MGST1: variants seen among roughly 807,000 people sequenced by gnomAD.
MGST1 encodes the protein glutathione S-transferase 12.
A neutral mutation model predicts 8.9 loss-of-function variants in MGST1; 5 were observed. The observed-to-expected ratio is 0.56, with a 90% CI of 0.29 to 1.19. The LOEUF is 1.19. MGST1 is among the 50% of genes most tolerant of loss of function. The pLI is 0.08. For synonymous variants in MGST1, 54 were observed against 67.8 expected (o/e 0.80, Z 1.00); for missense variants, 182 against 187.4 (o/e 0.97, Z 0.17).
At chr12:16,352,761 A>G (rs998928281) in intron 1 of MGST1, among the ~76,000 whole-genome samples, 2 of 152,140 alleles carry the variant, frequency 1.3e-5, no homozygotes, top group African/African-American at 4.8e-5. Context: ...TGACTCAAGG[A>G]TCATGTAAAG....
chr12:16,387,939 C>T (rs1940519568), intron 1 of MGST1, among the ~76,000 whole-genome samples: 1 of 151,586 alleles, frequency 6.6e-6, no homozygotes, highest in Admixed American at 6.6e-5. Flanking sequence ...AGATTTGTAG[C>T]CTAAGAGCAA....
chr12:16,529,721 A>C (rs560706957), intron 4 of MGST1, among the ~76,000 whole-genome samples: 1 of 152,182 alleles, frequency 6.6e-6, no homozygotes, highest in South Asian at 2.1e-4. Context: ...CTCTAGGCAA[A>C]GTGTTTGGGC....
upstream of MGST1, chr12:16,382,759 A>C (rs1940468625): frequency 6.5e-6 from 1 of 152,922 alleles, no homozygotes; most frequent in South Asian, 2.1e-4. Flanking sequence ...AGAGGCAGGC[A>C]GGCCTCCTTG....
At position 16,532,110 on chromosome 12, in the gene MGST1, T is replaced by C. The variant is rs79569446; in HGVS notation, n.483-57418T>C. Reference sequence around the variant, plus strand: ...CAAGGGCTATATCTTCAGGTGTTGATGCTCAGGACAGACTGCAAAATCACA... The same window carrying C: ...CAAGGGCTATATCTTCAGGTGTTGACGCTCAGGACAGACTGCAAAATCACA... On this transcript the variant is annotated intron_variant and non_coding_transcript_variant, in intron 4 of 4. Transcript: ENST00000538857. Among the ~76,000 whole-genome samples the C allele has an allele frequency of 7.5e-3, 1,147 of 152,262 alleles. 19 individuals carry two copies. Among genetic ancestry groups the C allele is most frequent in the African/African-American group, 0.026 (1,096 of 41,548 alleles).
chr12:16,354,440 T>G (rs982140865), intron 2 of MGST1, 62 bp downstream of exon 2: 34 of 1,526,846 alleles, frequency 2.2e-5, no homozygotes, highest in Non-Finnish European at 3.0e-5. Flanking sequence ...AGAGCAGTTT[T>G]CTTAATTTTC....
At chr12:16,518,172 G>A (rs1360084987) in intron 4 of MGST1, among the ~76,000 whole-genome samples, 1 of 152,140 alleles carries the variant, frequency 6.6e-6, no homozygotes, top group Non-Finnish European at 1.5e-5. Flanking sequence ...CTTATCCACT[G>A]CTACCTCATC....
downstream of MGST1, among the ~76,000 whole-genome samples, chr12:16,440,547 G>A (rs896163865): frequency 2.0e-5 from 3 of 151,720 alleles, no homozygotes; most frequent in African/African-American, 7.3e-5. Context: ...ATGTTTTTGA[G>A]ATTTATATAT....
downstream of MGST1, among the ~76,000 whole-genome samples, chr12:16,592,359 A>G (rs1023696697): frequency 6.6e-6 from 1 of 152,038 alleles, no homozygotes; most frequent in Non-Finnish European, 1.5e-5. Context: ...TGGTCACAGA[A>G]AATACTGGCT....
chr12:16,373,568 T>A (rs906321785), intron 3 of MGST1, among the ~76,000 whole-genome samples: 45 of 151,922 alleles, frequency 3.0e-4, no homozygotes, highest in African/African-American at 1.7e-4. Context: ...TAAAAATTTT[T>A]AAGAAGAAAA....
chr12:16,466,108 AAATT>A (rs1258510938), intron 4 of MGST1, among the ~76,000 whole-genome samples: 3 of 152,246 alleles, frequency 2.0e-5, no homozygotes, highest in Non-Finnish European at 2.9e-5. Flanking sequence ...TCATTCAAGA[AAATT>A]AATCTGTGTA....
intron 4 of MGST1, among the ~76,000 whole-genome samples, chr12:16,534,063 T>A (rs1029918321): frequency 1.3e-5 from 2 of 152,118 alleles, no homozygotes; most frequent in Non-Finnish European, 2.9e-5. Context: ...GCATGTTATT[T>A]TGGGATGTGG....
chr12:16,467,229 C>A (rs1377716304), intron 4 of MGST1, among the ~76,000 whole-genome samples: 1 of 152,182 alleles, frequency 6.6e-6, no homozygotes, highest in East Asian at 1.9e-4. Context: ...TGGTCTACTA[C>A]TTATACATGT....
At chr12:16,581,241 T>G (rs186279185) in intron 4 of MGST1, among the ~76,000 whole-genome samples, 49 of 152,296 alleles carry the variant, frequency 3.2e-4, no homozygotes, top group African/African-American at 1.2e-3. Context: ...GTACAGCTCA[T>G]AAGGATGGGT....
chr12:16,360,971 T>C (rs1478796578), intron 3 of MGST1, among the ~76,000 whole-genome samples: 2 of 145,512 alleles, frequency 1.4e-5, no homozygotes, highest in Non-Finnish European at 3.0e-5. Context: ...CCTCAGGGGT[T>C]TATAGTGTTC....
At chr12:16,414,395 A>ATTTT (rs66730103) in intron 1 of MGST1, among the ~76,000 whole-genome samples, 3 of 94,680 alleles carry the variant, frequency 3.2e-5, no homozygotes, top group Non-Finnish European at 6.6e-5. Flanking sequence ...AGGTGTTTTT[A>ATTTT]TTTTTTTTTT....
At chr12:16,525,949 G>T (rs1394559882) in intron 4 of MGST1, among the ~76,000 whole-genome samples, 1 of 150,078 alleles carries the variant, frequency 6.7e-6, no homozygotes, top group Admixed American at 6.6e-5. Flanking sequence ...CTTCTTTTGA[G>T]AAGTGTCTGT....
chr12:16,379,880 A>G (rs1054516753), downstream of MGST1, among the ~76,000 whole-genome samples: 2 of 151,940 alleles, frequency 1.3e-5, no homozygotes, highest in Admixed American at 6.6e-5. Flanking sequence ...TCTTGGGAGG[A>G]TGTATGTGTC....
intron 1 of MGST1, among the ~76,000 whole-genome samples, chr12:16,388,207 G>T (rs556981588): frequency 6.6e-6 from 1 of 151,958 alleles, no homozygotes; most frequent in South Asian, 2.1e-4. Flanking sequence ...AATACTGTAG[G>T]CAATTGTAAC....
At chr12:16,549,641 CAA>C (rs1198983339) in intron 4 of MGST1, 1 of 151,866 alleles carries the variant, frequency 6.6e-6, no homozygotes, top group African/African-American at 2.4e-5. Flanking sequence ...AAGAAAAAAA[CAA>C]AGAAAAAGAA....
Sources: allele counts gnomAD v4.1 joint callset (sites outside exome capture counted in the v4.1 genomes callset), GRCh38; gene constraint gnomAD v4.1.1; transcripts MANE v1.5; gene names NCBI Gene and HGNC (gene_info 2026-07-23, HGNC 2026-07-21).